The following CEP72 variants were observed in gnomAD, a reference collection of about 807,000 sequenced individuals.
CEP72 encodes the protein centrosomal protein 72.
Under a neutral mutation model 65.7 loss-of-function variants are expected in CEP72, and 78 were observed. The observed-to-expected ratio is 1.19, with a 90% CI of 0.99 to 1.43. CEP72 has a LOEUF of 1.43. Ranked by LOEUF, CEP72 falls within the 40% of genes most tolerant of loss-of-function variation. The pLI, the probability that CEP72 is intolerant of heterozygous loss-of-function variation, is 0.00. For synonymous variants in CEP72, 358 were observed against 351.7 expected, an observed-to-expected ratio of 1.02 and a Z score of -0.20; for missense variants, 914 against 832.9, an observed-to-expected ratio of 1.10 and a Z score of -1.20.
chr5:644,298 G>A lies in CEP72; in HGVS notation c.1540-1G>A, dbSNP rs1262107870. Reference sequence around the variant, plus strand: ...CTTAAGTGTATTTTCTGTGTCCGCAGGATGATTTGAGACAACATTTAGATA... The same window carrying A: ...CTTAAGTGTATTTTCTGTGTCCGCAAGATGATTTGAGACAACATTTAGATA... On this transcript the variant is annotated splice_acceptor_variant, in intron 9 of 11. Transcript: ENST00000264935. LOFTEE classifies it high-confidence loss of function. The A allele has an allele frequency of 3.1e-6, 5 of 1,613,336 alleles. No homozygotes were observed. Among genetic ancestry groups the A allele is most frequent in the Non-Finnish European group, 4.2e-6 (5 of 1,179,734 alleles).
At chr5:670,948 C>G (rs185589790), downstream of CEP72, among the ~76,000 whole-genome samples, 12 of 152,330 alleles carry the variant, frequency 7.9e-5, no homozygotes, top group Admixed American at 1.3e-4. Context: ...CTTCCTGCAC[C>G]CTACTTGGCT....
exon 3 of CEP72, chr5:665,215 A>C (rs761496826): frequency 6.2e-7 from 1 of 1,613,824 alleles, no homozygotes; most frequent in Non-Finnish European, 8.5e-7. Flanking sequence ...CCCTTGCCAG[A>C]GGGGTCGAAG....
At chr5:668,207 C>A (rs79129291), downstream of CEP72, among the ~76,000 whole-genome samples, 1 of 93,240 alleles carries the variant, frequency 1.1e-5, no homozygotes, top group African/African-American at 4.1e-5. Context: ...AGGGAAGTAC[C>A]GACAAGCACA....
chr5:673,179 C>T, the CEP72 span, among the ~76,000 whole-genome samples: 10 of 152,196 alleles, frequency 6.6e-5, no homozygotes, highest in Non-Finnish European at 1.3e-4. Flanking sequence ...AGGCCCGCCG[C>T]CACCACCCCT....
chr5:633,928 C>G lies in CEP72; in HGVS notation c.672C>G (p.Ala224=). 1 of 1,612,264 alleles carries G rather than the reference C, an allele frequency of 6.2e-7. No homozygotes were observed. Among genetic ancestry groups the G allele is most frequent in the East Asian group, 2.2e-5 (1 of 44,890 alleles). ...STSFSQKGRE[A]DSRGSQESRH... is the part of the protein sequence containing the mutation. ...GCTTCAGCCAGAAGGGGCGTGAGGC[C>G]GACTCTCGTGGTTCCCAAGGTGCGC... The change falls in exon 5 of 12, where the codon GCC becomes GCG. Residue 224 remains alanine, a synonymous_variant. Transcript: ENST00000264935.
At chr5:673,552 A>T in the CEP72 span, among the ~76,000 whole-genome samples, 1 of 152,072 alleles carries the variant, frequency 6.6e-6, no homozygotes, top group Non-Finnish European at 1.5e-5. Context: ...ACAATCTCCC[A>T]CACGGCGCCC....
At chr5:665,854 C>CCGG in intron 3 of CEP72, 1 of 525,364 alleles carries the variant, frequency 1.9e-6, no homozygotes, top group Non-Finnish European at 2.5e-6. Context: ...GGACCCCCCC[C>CCGG]AGGTCACGCC....
At chr5:662,037 C>T (rs958508986), downstream of CEP72, 4 of 152,438 alleles carry the variant, frequency 2.6e-5, no homozygotes, top group Non-Finnish European at 5.9e-5. Context: ...ACAGCAGCCT[C>T]GATCTCATTC....
At chr5:615,651 T>G (rs998260221) in intron 1 of CEP72, among the ~76,000 whole-genome samples, 2 of 152,214 alleles carry the variant, frequency 1.3e-5, no homozygotes, top group African/African-American at 4.8e-5. Flanking sequence ...TAGTAGTGTT[T>G]TAGGCCATTT....
intron 2 of CEP72, chr5:663,771 C>A (rs956487231): frequency 1.3e-5 from 2 of 152,490 alleles, no homozygotes; most frequent in African/African-American, 4.8e-5. Flanking sequence ...AAAGTTTCCC[C>A]AGGACTGCCG....
In CEP72 at chr5:623,145, G is replaced by A. The variant is rs967082093; in HGVS notation, c.404-1326G>A. 4.6e-5 allele frequency among the ~76,000 whole-genome samples: 7 copies of A among 151,206 alleles called. No homozygotes were observed. The highest frequency in any genetic ancestry group is 7.4e-5 in the Non-Finnish European group (5 of 67,898). On this transcript the variant is annotated intron_variant, in intron 3 of 11. Coordinates refer to ENST00000264935, the MANE Select transcript of CEP72 (RefSeq NM_018140.4). This position sits in a 1 kb window ranked among gnomAD's most constrained non-coding sequence, Gnocchi z 5.3. The stretch of plus-strand genomic sequence containing the variant: ...CAGAGAGTTTCTGCAGAGAAGGAGC[G>A]CAGCCGTCTCCCTCTTAGTGTTTCT...
At chr5:644,212 TG>T (rs1561056366) in intron 9 of CEP72, 86 bp from the exon 10 acceptor site, 1 of 1,456,942 alleles carries the variant, frequency 6.9e-7, no homozygotes, top group Non-Finnish European at 9.5e-7. Context: ...AGGAACCCTC[TG>T]GGGATTCTCA....
downstream of CEP72, among the ~76,000 whole-genome samples, chr5:654,080 AGTGTGTGTGTGCTAGCT>A (rs769148885): frequency 4.4e-4 from 53 of 120,120 alleles, 1 homozygote; most frequent in Middle Eastern, 9.5e-3. Context: ...GTGTGCGCCT[AGTGTGTGTGTGCTAGCT>A]GTGTGTGTGC....
rs377760353 is a variant in CEP72 at position 640,533 on chromosome 5, G to T, written c.1468G>T (p.Glu490Ter). ...TAAGTCCCTGCAAAGCCGCCTTGCTGAGCAGCAGCAGCAGCACGCCCGGGA... is the reference window on the plus strand; with the variant it reads ...TAAGTCCCTGCAAAGCCGCCTTGCTTAGCAGCAGCAGCAGCACGCCCGGGA... ...ESKSLQSRLA[E>*]QQQQHAREMS... Residue 490 changes from glutamate to a stop codon, truncating the protein, a stop_gained, in exon 9 of 12, where the codon GAG becomes TAG. Transcript: ENST00000264935. LOFTEE classifies it high-confidence loss of function. The T allele has an allele frequency of 3.2e-4, 514 of 1,614,100 alleles. 3 individuals are homozygous for T. In the South Asian group the frequency reaches 5.1e-3, roughly 16 times the overall value.
downstream of CEP72, among the ~76,000 whole-genome samples, chr5:668,752 C>T (rs1052025695): frequency 7.2e-5 from 11 of 152,350 alleles, no homozygotes; most frequent in East Asian, 3.9e-4. Context: ...CTGTTCTGCT[C>T]GTAGTCACCA....
chr5:637,427 G>A (rs1303254695), intron 6 of CEP72, 90 bp from the exon 7 acceptor site: 5 of 1,135,984 alleles, frequency 4.4e-6, no homozygotes, highest in Non-Finnish European at 6.4e-6. Context: ...TATATACATG[G>A]GCACACACAT....
chr5:626,459 C>T (rs1023961141), intron 4 of CEP72, among the ~76,000 whole-genome samples: 5 of 152,160 alleles, frequency 3.3e-5, no homozygotes, highest in African/African-American at 1.2e-4. Context: ...TTGTCAAATG[C>T]TTTTTCTGCA....
chr5:619,884 C>T (rs1264030447), intron 2 of CEP72, among the ~76,000 whole-genome samples, 185 bp from the exon 3 acceptor site: 1 of 152,206 alleles, frequency 6.6e-6, no homozygotes, highest in African/African-American at 2.4e-5. Flanking sequence ...ACGACCGTCT[C>T]ACCGCGTGGG....
intron 4 of CEP72, among the ~76,000 whole-genome samples, chr5:625,786 G>A (rs1195604884): frequency 5.3e-5 from 8 of 152,100 alleles, no homozygotes; most frequent in African/African-American, 1.7e-4. Context: ...AGCCGCTGGC[G>A]TTGTTTGTCT....
Sources: allele counts gnomAD v4.1 joint callset (sites outside exome capture counted in the v4.1 genomes callset), GRCh38; gene constraint gnomAD v4.1.1; non-coding constraint Gnocchi (gnomAD v3.1); transcripts MANE v1.5; gene names NCBI Gene and HGNC (gene_info 2026-07-23, HGNC 2026-07-21).